DTNA: variants seen among roughly 807,000 people sequenced by gnomAD.
The protein encoded by DTNA is dystrophin-related protein 3.
Under a neutral mutation model 100.7 loss-of-function variants are expected in DTNA, and 43 were observed. The ratio of observed to expected loss-of-function variants is 0.43; its 90% CI spans 0.33 to 0.55. The LOEUF (loss-of-function observed/expected upper bound fraction) is 0.55. Among genes scored for constraint, DTNA ranks in the 20% least tolerant of loss-of-function variants. The probability of loss-of-function intolerance (pLI) is 0.04; values close to 1 mark genes in which losing one functional copy is unlikely to be tolerated. For synonymous variants in DTNA, 349 were observed against 347.9 expected (o/e 1.00, Z -0.04); for missense variants, 798 against 953.9 (o/e 0.84, Z 2.15).
intron 1 of DTNA, among the ~76,000 whole-genome samples, chr18:34,570,236 A>G (rs947567510): frequency 2.0e-5 from 3 of 152,214 alleles, no homozygotes; most frequent in Non-Finnish European, 2.9e-5. Context: ...TCACATCTGT[A>G]TCTCCAACAC....
At chr18:34,669,587 G>T (rs969605363) in intron 1 of DTNA, among the ~76,000 whole-genome samples, 1 of 152,166 alleles carries the variant, frequency 6.6e-6, no homozygotes, top group Non-Finnish European at 1.5e-5. Flanking sequence ...TCCATGTTTA[G>T]TGCTTCCTTC....
At chr18:34,709,988 A>G (rs186538102), upstream of DTNA, among the ~76,000 whole-genome samples, 4 of 152,336 alleles carry the variant, frequency 2.6e-5, no homozygotes, top group East Asian at 7.7e-4. Flanking sequence ...TGTAGTAGAT[A>G]ATGATCAGTA....
chr18:34,694,712 C>T (rs2080266100), intron 1 of DTNA, among the ~76,000 whole-genome samples: 1 of 151,924 alleles, frequency 6.6e-6, no homozygotes, highest in East Asian at 1.9e-4. Context: ...TTTATTATAT[C>T]ATGTCTCCCT....
chr18:34,640,948 T>C (rs1489751863), intron 1 of DTNA, among the ~76,000 whole-genome samples: 1 of 152,188 alleles, frequency 6.6e-6, no homozygotes, highest in Admixed American at 6.5e-5. Context: ...TGTTTGCTTT[T>C]TTGGGAGGGG....
intron 1 of DTNA, among the ~76,000 whole-genome samples, chr18:34,614,137 G>A (rs1300364735): frequency 6.6e-6 from 1 of 152,134 alleles, no homozygotes; most frequent in Non-Finnish European, 1.5e-5. Flanking sequence ...GAATAACAAA[G>A]CTTGGATGAT....
chr18:34,866,876 T>C (rs1244618522), intron 17 of DTNA: 7 of 344,090 alleles, frequency 2.0e-5, no homozygotes, highest in Non-Finnish European at 2.9e-5. Context: ...CATTACATAC[T>C]TTTTTTTTTT....
rs373900911 is a variant in DTNA at position 34,838,054 on chromosome 18, G to T, written c.1176-40G>T. 8.5e-5 allele frequency: 135 copies of T among 1,591,388 alleles called. 1 individual carries two copies. In the South Asian group the frequency reaches 1.4e-3, roughly 17 times the overall value. On this transcript the variant is annotated intron_variant, in intron 11 of 22. Coordinates refer to ENST00000444659, the MANE Select transcript of DTNA (RefSeq NM_001386795.1). The stretch of plus-strand genomic sequence containing the variant: ...AGTTTCTATTCTTGAATGCATTGCC[G>T]TGTTTACGCTCTTCTTGGCTTTCCC...
chr18:34,871,299 A>T (rs1024368933), intron 17 of DTNA, among the ~76,000 whole-genome samples: 9 of 152,304 alleles, frequency 5.9e-5, no homozygotes, highest in South Asian at 2.1e-4. Flanking sequence ...CAGACTTTTT[A>T]AAAAAATGGA....
Position 34,888,850 on chromosome 18 carries a change from G to A in DTNA, c.*1116G>A, listed in dbSNP as rs2096944670. The stretch of plus-strand genomic sequence containing the variant: ...ACAGGCTTAAAGTGCGCTTGCAAAC[G>A]TTTGCTCTCCTTTTTTTCTGAATGT... On this transcript the variant is annotated 3_prime_UTR_variant, in exon 23 of 23. Coordinates refer to ENST00000444659, the MANE Select transcript of DTNA (RefSeq NM_001386795.1). The A allele has an allele frequency of 4.1e-6, 4 of 985,750 alleles. No homozygotes were observed. In the South Asian group the frequency reaches 1.4e-4, roughly 35 times the overall value. The allele number at this position is 985,750 out of a possible 1,614,324, so 61.1% of individuals were successfully genotyped here. A position where few individuals can be genotyped will look rare whatever the true frequency, so the allele number is the denominator to read the frequency against.
Position 34,580,104 on chromosome 18 carries a change from A to C in DTNA, c.-2+86590A>C, listed in dbSNP as rs186635924. Among the ~76,000 whole-genome samples the C allele has an allele frequency of 2.4e-4, 36 of 151,306 alleles. No homozygotes were observed. In the East Asian group the frequency reaches 7.0e-3, roughly 30 times the overall value. On this transcript the variant is annotated intron_variant, in intron 1 of 19. Coordinates refer to the DTNA transcript ENST00000283365. Reference sequence around the variant, plus strand: ...TCTGCTGGGTTCAGTCTGCTGTTCAACTCCCTGAATGAATCCTTCATTTAT... The same window carrying C: ...TCTGCTGGGTTCAGTCTGCTGTTCACCTCCCTGAATGAATCCTTCATTTAT...
At chr18:34,887,016 G>A (rs2096927742) in intron 22 of DTNA, among the ~76,000 whole-genome samples, 1 of 152,206 alleles carries the variant, frequency 6.6e-6, no homozygotes. Flanking sequence ...CAAGGGTTCT[G>A]AAGCCAGATT....
chr18:34,625,786 G>C (rs536049731), intron 1 of DTNA, among the ~76,000 whole-genome samples: 1 of 152,290 alleles, frequency 6.6e-6, no homozygotes, highest in South Asian at 2.1e-4. Flanking sequence ...TATGGGAGAG[G>C]AAGTGCTGGA....
At chr18:34,591,709 G>A (rs945906910) in intron 1 of DTNA, among the ~76,000 whole-genome samples, 26 of 152,142 alleles carry the variant, frequency 1.7e-4, no homozygotes, top group East Asian at 9.6e-4. Context: ...CATAGAGCCT[G>A]CAGTTTCCCT....
intron 1 of DTNA, among the ~76,000 whole-genome samples, chr18:34,630,499 A>G (rs1177903923): frequency 6.6e-6 from 1 of 152,186 alleles, no homozygotes; most frequent in Non-Finnish European, 1.5e-5. Flanking sequence ...GGGAATAGTG[A>G]TGGAAAGGAT....
chr18:34,536,956 TAAGTCA>T (rs2043775744), intron 1 of DTNA, among the ~76,000 whole-genome samples: 1 of 65,136 alleles, frequency 1.5e-5, no homozygotes, highest in East Asian at 5.6e-4. Flanking sequence ...AGAGATAATG[TAAGTCA>T]GCCAGCTGCT....
At chr18:34,617,652 A>C (rs2055584765) in intron 1 of DTNA, among the ~76,000 whole-genome samples, 3 of 152,160 alleles carry the variant, frequency 2.0e-5, no homozygotes, top group African/African-American at 7.2e-5. Flanking sequence ...TGAATTAGGG[A>C]AGAGTTCCCC....
chr18:34,843,717 A>T (rs2096317708), intron 13 of DTNA, among the ~76,000 whole-genome samples: 1 of 152,098 alleles, frequency 6.6e-6, no homozygotes, highest in Admixed American at 6.6e-5. Context: ...GAGGGTATTC[A>T]TATGCTTTAG....
intron 15 of DTNA, among the ~76,000 whole-genome samples, chr18:34,854,249 T>A (rs566397610): frequency 6.6e-6 from 1 of 152,358 alleles, no homozygotes; most frequent in African/African-American, 2.4e-5. Flanking sequence ...AAGCCAGTTT[T>A]AAATTATTGA....
chr18:34,598,636 G>A (rs1322173500), intron 1 of DTNA, among the ~76,000 whole-genome samples: 3 of 152,104 alleles, frequency 2.0e-5, no homozygotes, highest in Non-Finnish European at 4.4e-5. Flanking sequence ...GGCCGAGACG[G>A]GTGGATCACG....
Sources: gnomAD v4.1 joint callset for allele counts (sites outside exome capture counted in the v4.1 genomes callset) on GRCh38, gnomAD v4.1.1 for gene constraint, MANE v1.5 for transcripts, NCBI Gene and HGNC (gene_info 2026-07-23, HGNC 2026-07-21) for gene names.